Variants in TRHDE observed in about 807,000 individuals in gnomAD.
TRHDE encodes thyrotropin-releasing hormone-degrading ectoenzyme.
TRHDE carries 72 observed loss-of-function variants against 125.7 expected under a neutral mutation model. The observed-to-expected ratio is 0.57, with a 90% CI of 0.47 to 0.70. The LOEUF (loss-of-function observed/expected upper bound fraction) is 0.70. Among genes scored for constraint, TRHDE ranks in the 30% least tolerant of loss-of-function variants. The pLI is 0.00. For missense variants in TRHDE, 1,110 were observed against 1,327.1 expected (o/e 0.84, Z 2.54); for synonymous variants, 509 against 509.1 (o/e 1.00, Z 0.00).
intron 1 of TRHDE, among the ~76,000 whole-genome samples, chr12:72,097,882 T>C (rs903344340): frequency 6.6e-6 from 1 of 152,136 alleles, no homozygotes. Context: ...TGTTACCAAA[T>C]GCTTAAAAGA....
intron 2 of TRHDE, among the ~76,000 whole-genome samples, chr12:72,153,374 G>GT (rs1207936044): frequency 2.6e-5 from 4 of 152,024 alleles, no homozygotes; most frequent in African/African-American, 4.8e-5. Context: ...TTTTTGAAGG[G>GT]TTTTTTGTGT....
rs1373501002 is a variant in TRHDE at position 72,537,052 on chromosome 12, GTA to G, written c.1723-5236_1723-5235del. Among the ~76,000 whole-genome samples the G allele has an allele frequency of 2.6e-5, 4 of 152,028 alleles. No individual in the cohort carries two copies. The East Asian group carries it at 7.7e-4, about 29-fold the overall frequency. On this transcript the variant is annotated intron_variant, in intron 6 of 18. Coordinates refer to ENST00000261180, the MANE Select transcript of TRHDE (RefSeq NM_013381.3). ...TTTAAATTATTGATTTTGGAGGTGG[GTA>G]TAAGTGGGTTTCTAATTCTGGCTCC...
At chr12:72,367,688 A>T (rs1314126165) in intron 2 of TRHDE, among the ~76,000 whole-genome samples, 1 of 152,210 alleles carries the variant, frequency 6.6e-6, no homozygotes, top group Non-Finnish European at 1.5e-5. Flanking sequence ...AAGAACCCCC[A>T]AATCAAATTA....
chr12:72,447,843 A>G (rs1489459486), intron 3 of TRHDE, among the ~76,000 whole-genome samples: 2 of 152,056 alleles, frequency 1.3e-5, no homozygotes, highest in Non-Finnish European at 2.9e-5. Flanking sequence ...TCTAAGGTAC[A>G]GCACAGCTGA....
chr12:72,417,657 T>C (rs1873788156), intron 3 of TRHDE, among the ~76,000 whole-genome samples: 1 of 152,056 alleles, frequency 6.6e-6, no homozygotes, highest in Non-Finnish European at 1.5e-5. Flanking sequence ...TTCCCCCAAA[T>C]CACTGAGCTG....
At chr12:72,361,543 T>C (rs1442661506) in intron 2 of TRHDE, among the ~76,000 whole-genome samples, 1 of 150,004 alleles carries the variant, frequency 6.7e-6, no homozygotes, top group East Asian at 1.9e-4. Flanking sequence ...GAGTAGGTGT[T>C]TTATAATTTA....
At chr12:72,598,272 T>G (rs994105217) in intron 12 of TRHDE, among the ~76,000 whole-genome samples, 1 of 152,226 alleles carries the variant, frequency 6.6e-6, no homozygotes, top group African/African-American at 2.4e-5. Context: ...AGTTTCTACA[T>G]TGCTTTTTAT....
At chr12:72,112,381 A>T (rs1424731281) in intron 2 of TRHDE, among the ~76,000 whole-genome samples, 1 of 152,194 alleles carries the variant, frequency 6.6e-6, no homozygotes, top group African/African-American at 2.4e-5. Context: ...GTGATTAGCC[A>T]TTCAGATTTC....
At chr12:72,285,484 T>C (rs1879845400) in intron 1 of TRHDE, among the ~76,000 whole-genome samples, 1 of 152,056 alleles carries the variant, frequency 6.6e-6, no homozygotes, top group Non-Finnish European at 1.5e-5. Context: ...TGAATGTTTT[T>C]CTTATTTAGA....
In TRHDE at chr12:72,301,783, G is replaced by C. The variant is rs530253487; in HGVS notation, c.1188+14829G>C. On this transcript the variant is annotated intron_variant, in intron 2 of 18. Coordinates refer to ENST00000261180, the MANE Select transcript of TRHDE (RefSeq NM_013381.3). ...GCAGCTACACAGGTAAGATCAAGTTGATGTCTCACTAGTGAGCAAGCTAGG... is the reference window on the plus strand; with the variant it reads ...GCAGCTACACAGGTAAGATCAAGTTCATGTCTCACTAGTGAGCAAGCTAGG... Among the ~76,000 whole-genome samples the C allele has an allele frequency of 2.0e-5, 3 of 152,304 alleles. No individual in the cohort carries two copies. The East Asian group carries it at 5.8e-4, about 29-fold the overall frequency.
intron 2 of TRHDE, among the ~76,000 whole-genome samples, chr12:72,203,210 C>T (rs1163165600): frequency 6.6e-6 from 1 of 152,030 alleles, no homozygotes; most frequent in African/African-American, 2.4e-5. Context: ...ACCTGTAATC[C>T]CAGCACTTTG....
intron 3 of TRHDE, among the ~76,000 whole-genome samples, chr12:72,398,176 T>C (rs1242052314): frequency 2.0e-5 from 3 of 152,100 alleles, no homozygotes; most frequent in Non-Finnish European, 4.4e-5. Context: ...TCCTTTTTTA[T>C]GGCTGCATAG....
intron 6 of TRHDE, among the ~76,000 whole-genome samples, chr12:72,512,868 T>C (rs1878667628): frequency 6.6e-6 from 1 of 151,488 alleles, no homozygotes; most frequent in Admixed American, 6.6e-5. Flanking sequence ...TTGGAGAAAA[T>C]TCAGAATAAA....
At chr12:72,358,848 A>T (rs571557222) in intron 2 of TRHDE, among the ~76,000 whole-genome samples, 1 of 151,688 alleles carries the variant, frequency 6.6e-6, no homozygotes, top group Non-Finnish European at 1.5e-5. Context: ...ATTATGAAGA[A>T]TTTCATGCTC....
intron 3 of TRHDE, among the ~76,000 whole-genome samples, chr12:72,409,411 C>T (rs897979473): frequency 6.6e-6 from 1 of 152,098 alleles, no homozygotes; most frequent in Non-Finnish European, 1.5e-5. Context: ...CTATTAATAT[C>T]AGTTTTTCTG....
chr12:72,658,317 T>C (rs1342819761), intron 18 of TRHDE, among the ~76,000 whole-genome samples: 1 of 152,222 alleles, frequency 6.6e-6, no homozygotes, highest in African/African-American at 2.4e-5. Context: ...ACTTTTAATT[T>C]CATGATTTCA....
Position 72,373,975 on chromosome 12 carries a change from C to A in TRHDE, c.1189-4020C>A, listed in dbSNP as rs755913670. On this transcript the variant is annotated intron_variant, in intron 2 of 18. Transcript: ENST00000261180. Reference sequence around the variant, plus strand: ...GTGCGTGATTTGAAGCTCATTTTAACAAGAAGGTTTTGATTACTGTATACA... The same window carrying A: ...GTGCGTGATTTGAAGCTCATTTTAAAAAGAAGGTTTTGATTACTGTATACA... 1.3e-4 allele frequency among the ~76,000 whole-genome samples: 20 copies of A among 152,044 alleles called. 1 individual carries two copies. The highest frequency in any genetic ancestry group is 1.2e-3 in the Admixed American group (19 of 15,246).
intron 5 of TRHDE, among the ~76,000 whole-genome samples, chr12:72,488,559 G>A (rs922885270): frequency 2.6e-5 from 4 of 151,796 alleles, no homozygotes; most frequent in African/African-American, 9.7e-5. Context: ...ACAATAATAG[G>A]GACTTCAATA....
At chr12:72,302,930 G>A (rs1440930846) in intron 2 of TRHDE, among the ~76,000 whole-genome samples, 1 of 152,160 alleles carries the variant, frequency 6.6e-6, no homozygotes, top group African/African-American at 2.4e-5. Flanking sequence ...AGCTAACTAG[G>A]TGCCAGTAGC....
Sources: allele counts gnomAD v4.1 joint callset (sites outside exome capture counted in the v4.1 genomes callset), GRCh38; gene constraint gnomAD v4.1.1; transcripts MANE v1.5; gene names NCBI Gene and HGNC (gene_info 2026-07-23, HGNC 2026-07-21).